Variants in PAAF1 observed in about 807,000 individuals in gnomAD.
PAAF1 encodes proteasomal ATPase-associated factor 1.
PAAF1 carries 46 observed loss-of-function variants against 52.8 expected under a neutral mutation model. That is an observed-to-expected ratio of 0.87 (90% CI 0.69 to 1.11). PAAF1 has a LOEUF of 1.11. PAAF1 is among the 50% of genes most tolerant of loss of function. The pLI, the probability that PAAF1 is intolerant of heterozygous loss-of-function variation, is 0.00. For synonymous variants in PAAF1, 178 were observed against 172.8 expected (o/e 1.03, Z -0.24); for missense variants, 424 against 477.4 (o/e 0.89, Z 1.04).
chr11:73,905,626 C>CA (rs1458484088), intron 6 of PAAF1, among the ~76,000 whole-genome samples: 2 of 151,916 alleles, frequency 1.3e-5, no homozygotes, highest in African/African-American at 4.8e-5. Context: ...TTAAGAGACC[C>CA]ACACTAGATG....
intron 2 of PAAF1, among the ~76,000 whole-genome samples, chr11:73,880,861 G>T (rs573268985): frequency 1.3e-5 from 2 of 151,794 alleles, no homozygotes; most frequent in Admixed American, 6.6e-5. Context: ...TTACCTGGGC[G>T]TGGTGGTGCA....
At chr11:73,883,349 C>A (rs1165223889) in intron 2 of PAAF1, among the ~76,000 whole-genome samples, 1 of 152,086 alleles carries the variant, frequency 6.6e-6, no homozygotes, top group African/African-American at 2.4e-5. Context: ...TCTAGTATCA[C>A]CCCCAAAACA....
chr11:73,926,244 T>A (rs1950352997), intron 11 of PAAF1, among the ~76,000 whole-genome samples: 2 of 152,134 alleles, frequency 1.3e-5, no homozygotes, highest in African/African-American at 4.8e-5. Flanking sequence ...GCAGCTGGGA[T>A]TACAGGCATG....
intron 3 of PAAF1, 109 bp from the exon 4 acceptor site, chr11:73,891,003 C>T: frequency 1.5e-6 from 1 of 673,844 alleles, no homozygotes; most frequent in Non-Finnish European, 2.6e-6. Context: ...AGAGGGTACA[C>T]TGAGAAGATG....
chr11:73,908,804 T>C (rs1436384142), intron 6 of PAAF1, among the ~76,000 whole-genome samples: 1 of 152,086 alleles, frequency 6.6e-6, no homozygotes. Flanking sequence ...TATTTATTTA[T>C]TTTTTGAGAC....
chr11:73,886,597 C>T (rs1171693089), intron 2 of PAAF1, among the ~76,000 whole-genome samples: 2 of 138,620 alleles, frequency 1.4e-5, no homozygotes, highest in African/African-American at 2.8e-5. Context: ...GGTGTGAACC[C>T]AGGAGGTGGA....
intron 3 of PAAF1, among the ~76,000 whole-genome samples, chr11:73,889,681 C>CT (rs1043244109): frequency 2.6e-5 from 4 of 152,222 alleles, no homozygotes; most frequent in African/African-American, 9.6e-5. Flanking sequence ...GGCCCAAACA[C>CT]TAAGCTTTTG....
rs555330184 is a variant in PAAF1 at position 73,922,054 on chromosome 11, A to C, written c.1019-2561A>C. 33 of 832,176 alleles carry C rather than the reference A, an allele frequency of 4.0e-5. No individual in the cohort carries two copies. In the African/African-American group the frequency reaches 5.4e-4, roughly 14 times the overall value. The allele number at this position is 832,176 out of a possible 1,614,324, so 51.5% of individuals were successfully genotyped here. On this transcript the variant is annotated intron_variant, in intron 10 of 11. Coordinates refer to ENST00000310571, the MANE Select transcript of PAAF1 (RefSeq NM_025155.3). ...AAGAAGACATTGGCCTTGAACTAAT[A>C]GATGGCTTCATCCACAGTATCTGTA...
chr11:73,878,597 T>C (rs1159676208), intron 1 of PAAF1, among the ~76,000 whole-genome samples, 182 bp from the exon 2 acceptor site: 2 of 152,232 alleles, frequency 1.3e-5, no homozygotes, highest in African/African-American at 4.8e-5. Flanking sequence ...TCCACAAATA[T>C]TTCTTGAACA....
Position 73,890,989 on chromosome 11 carries a change from C to T in PAAF1, c.193-123C>T, listed in dbSNP as rs149282047. ...AGTTTTGTGGGGTGGGAAAGGAGAACGAGAGAGGGTACACTGAGAAGATGA... is the reference window on the plus strand; with the variant it reads ...AGTTTTGTGGGGTGGGAAAGGAGAATGAGAGAGGGTACACTGAGAAGATGA... On this transcript the variant is annotated intron_variant, in intron 3 of 11. Coordinates refer to ENST00000310571, the MANE Select transcript of PAAF1 (RefSeq NM_025155.3). The T allele has an allele frequency of 2.1e-5, 13 of 625,072 alleles. 1 individual carries two copies. Among genetic ancestry groups the T allele is most frequent in the Middle Eastern group, 2.8e-4 (1 of 3,600 alleles). 38.7% of individuals were successfully genotyped at this position (625,072 alleles called of 1,614,324 possible).
chr11:73,901,273 A>C (rs1013908037), intron 6 of PAAF1, among the ~76,000 whole-genome samples: 4 of 152,208 alleles, frequency 2.6e-5, no homozygotes, highest in African/African-American at 9.7e-5. Context: ...ATAACCAGTT[A>C]ATATCAGATT....
chr11:73,925,959 C>T (rs978215474), intron 11 of PAAF1, among the ~76,000 whole-genome samples: 2 of 152,124 alleles, frequency 1.3e-5, no homozygotes, highest in African/African-American at 4.8e-5. Flanking sequence ...TGCACACTTA[C>T]ATCTTTATGT....
At chr11:73,926,425 G>A (rs554125149) in intron 11 of PAAF1, among the ~76,000 whole-genome samples, 4 of 152,258 alleles carry the variant, frequency 2.6e-5, no homozygotes, top group African/African-American at 4.8e-5. Context: ...AAATTCTTGC[G>A]TAGTGTTCCG....
intron 4 of PAAF1, among the ~76,000 whole-genome samples, chr11:73,895,007 T>C (rs1424247438): frequency 6.6e-6 from 1 of 152,200 alleles, no homozygotes; most frequent in Admixed American, 6.5e-5. Flanking sequence ...ACTGTGCTCC[T>C]TTTCTATTTC....
intron 6 of PAAF1, among the ~76,000 whole-genome samples, chr11:73,909,103 TAA>T (rs1285217251): frequency 6.6e-6 from 1 of 152,132 alleles, no homozygotes; most frequent in East Asian, 1.9e-4. Flanking sequence ...TTTTTCTTTT[TAA>T]AAAAGAGTTT....
At chr11:73,908,301 A>G (rs188152562) in intron 6 of PAAF1, among the ~76,000 whole-genome samples, 44 of 143,478 alleles carry the variant, frequency 3.1e-4, no homozygotes, top group African/African-American at 9.3e-4. Flanking sequence ...ATATGTGTGT[A>G]TATATGTATA....
chr11:73,899,317 A>C (rs181684818), intron 5 of PAAF1, 73 bp downstream of exon 5: 339 of 1,078,232 alleles, frequency 3.1e-4, no homozygotes, highest in Middle Eastern at 2.0e-3. Context: ...TGGGACATGG[A>C]AGGAAGAATG....
intron 4 of PAAF1, among the ~76,000 whole-genome samples, chr11:73,895,249 A>G (rs1025247962): frequency 3.3e-5 from 5 of 152,188 alleles, no homozygotes; most frequent in African/African-American, 1.2e-4. Flanking sequence ...GAAGTAGGTG[A>G]ATTGTGTTCC....
chr11:73,915,068 C>G (rs927403731), intron 8 of PAAF1, among the ~76,000 whole-genome samples: 1 of 152,176 alleles, frequency 6.6e-6, no homozygotes, highest in Non-Finnish European at 1.5e-5. Flanking sequence ...CTCAGTTCTT[C>G]TATTAATACT....
Sources: gnomAD v4.1 joint callset for allele counts (sites outside exome capture counted in the v4.1 genomes callset) on GRCh38, gnomAD v4.1.1 for gene constraint, MANE v1.5 for transcripts, NCBI Gene and HGNC (gene_info 2026-07-23, HGNC 2026-07-21) for gene names.